Variants in ABTB3 observed in about 807,000 individuals in gnomAD.
ABTB3 encodes ankyrin repeat and BTB domain containing 3.
chr12:107,648,651 C>T, the ABTB3 span, among the ~76,000 whole-genome samples: 7 of 152,180 alleles, frequency 4.6e-5, no homozygotes, highest in Admixed American at 1.3e-4. Flanking sequence ...AACCCTGGAC[C>T]CCTCATGGCT....
the ABTB3 span, among the ~76,000 whole-genome samples, chr12:107,636,281 G>A: frequency 2.6e-5 from 4 of 152,136 alleles, no homozygotes; most frequent in Non-Finnish European, 5.9e-5. Context: ...AAAGGAGAAG[G>A]AATATTAGGC....
chr12:107,599,378 T>C, the ABTB3 span, among the ~76,000 whole-genome samples: 4 of 152,220 alleles, frequency 2.6e-5, no homozygotes, highest in African/African-American at 9.7e-5. Context: ...GATAGTTTGC[T>C]GAAGGTAACA....
At chr12:107,445,022 C>T in the ABTB3 span, among the ~76,000 whole-genome samples, 34 of 152,300 alleles carry the variant, frequency 2.2e-4, no homozygotes, top group Non-Finnish European at 1.5e-5. Flanking sequence ...AAATCAGCAT[C>T]GCTGACCGCT....
At chr12:107,634,339 AC>A in the ABTB3 span, among the ~76,000 whole-genome samples, 1 of 152,194 alleles carries the variant, frequency 6.6e-6, no homozygotes, top group Admixed American at 6.5e-5. Flanking sequence ...AAAAGAAAAA[AC>A]ATCCTCATCT....
chr12:107,470,021 TC>T, the ABTB3 span, among the ~76,000 whole-genome samples: 2 of 143,182 alleles, frequency 1.4e-5, no homozygotes, highest in East Asian at 2.0e-4. Context: ...TCTCTCTCTC[TC>T]TCTCTCTCTC....
At chr12:107,382,846 A>G in the ABTB3 span, among the ~76,000 whole-genome samples, 1 of 152,120 alleles carries the variant, frequency 6.6e-6, no homozygotes, top group African/African-American at 2.4e-5. Flanking sequence ...CCACCATGGC[A>G]TGTGTATACC....
chr12:107,519,745 C>A, the ABTB3 span, among the ~76,000 whole-genome samples: 3 of 152,144 alleles, frequency 2.0e-5, no homozygotes, highest in African/African-American at 7.2e-5. Context: ...ATCAAGTAGT[C>A]AAACCCAAAG....
the ABTB3 span, among the ~76,000 whole-genome samples, chr12:107,510,866 G>A: frequency 6.6e-6 from 1 of 152,082 alleles, no homozygotes; most frequent in East Asian, 1.9e-4. Context: ...AGGTTGCAGT[G>A]AGCCGACGTC....
At chr12:107,342,693 A>T in the ABTB3 span, among the ~76,000 whole-genome samples, 1 of 152,086 alleles carries the variant, frequency 6.6e-6, no homozygotes, top group Admixed American at 6.6e-5. Context: ...CAGAGCATCC[A>T]TTCTCTCCAT....
chr12:107,335,205 T>G, the ABTB3 span, among the ~76,000 whole-genome samples: 1 of 137,428 alleles, frequency 7.3e-6, no homozygotes, highest in African/African-American at 2.7e-5. Flanking sequence ...GAGGATCACT[T>G]AAGCCCAGGA....
At chr12:107,574,982 C>G in the ABTB3 span, among the ~76,000 whole-genome samples, 1 of 152,176 alleles carries the variant, frequency 6.6e-6, no homozygotes, top group Non-Finnish European at 1.5e-5. Flanking sequence ...TACCATCTTC[C>G]CGGCTTTGGT....
the ABTB3 span, among the ~76,000 whole-genome samples, chr12:107,541,747 A>T: frequency 6.6e-6 from 1 of 152,192 alleles, no homozygotes; most frequent in African/African-American, 2.4e-5. Context: ...AACAATAGAC[A>T]CTAGGGCCTA....
At chr12:107,346,690 A>G in the ABTB3 span, among the ~76,000 whole-genome samples, 1 of 152,100 alleles carries the variant, frequency 6.6e-6, no homozygotes, top group Admixed American at 6.6e-5. Flanking sequence ...CAATCTCCTG[A>G]CCTTGTGATC....
the ABTB3 span, among the ~76,000 whole-genome samples, chr12:107,426,573 C>T: frequency 1.3e-5 from 2 of 152,196 alleles, no homozygotes; most frequent in African/African-American, 4.8e-5. Context: ...CAGCGCCCCA[C>T]CTGGGTCTCT....
chr12:107,442,747 T>C, the ABTB3 span, among the ~76,000 whole-genome samples: 1 of 151,752 alleles, frequency 6.6e-6, no homozygotes, highest in Non-Finnish European at 1.5e-5. Flanking sequence ...GGAAAGGGGG[T>C]TGTGGGGAGA....
At chr12:107,318,677 GC>G in the ABTB3 span, 1 of 455,072 alleles carries the variant, frequency 2.2e-6, no homozygotes, top group Admixed American at 3.8e-5. Flanking sequence ...CCCGGCGGGA[GC>G]TTCCTTCCCG....
chr12:107,558,409 TAGG>T, the ABTB3 span, among the ~76,000 whole-genome samples: 1 of 152,234 alleles, frequency 6.6e-6, no homozygotes, highest in Non-Finnish European at 1.5e-5. Context: ...GCTGAGGCTG[TAGG>T]AGTTGATCGG....
the ABTB3 span, among the ~76,000 whole-genome samples, chr12:107,581,676 G>C: frequency 1.9e-4 from 29 of 152,074 alleles, no homozygotes; most frequent in African/African-American, 6.5e-4. Flanking sequence ...TTTCTGGCTG[G>C]GTCAGAGAGC....
At chr12:107,423,464 T>C in the ABTB3 span, among the ~76,000 whole-genome samples, 1 of 152,096 alleles carries the variant, frequency 6.6e-6, no homozygotes, top group South Asian at 2.1e-4. Context: ...GAGCGGAAAG[T>C]CGTACAGTAT....
Sources: allele counts gnomAD v4.1 joint callset (sites outside exome capture counted in the v4.1 genomes callset), GRCh38; gene constraint gnomAD v4.1.1; transcripts MANE v1.5; gene names NCBI Gene and HGNC (gene_info 2026-07-23, HGNC 2026-07-21).